The following NXN variants were observed in gnomAD, a reference collection of about 807,000 sequenced individuals.
The protein encoded by NXN is nucleoredoxin 1.
In NXN, 16 loss-of-function variants were observed where a neutral mutation model predicts 48.6. The ratio of observed to expected loss-of-function variants is 0.33; its 90% CI spans 0.22 to 0.50. The LOEUF (loss-of-function observed/expected upper bound fraction) is 0.50. Ranked by LOEUF, NXN falls within the 20% of genes least tolerant of loss-of-function variation. The pLI is 0.98. For synonymous variants in NXN, 281 were observed against 269.6 expected, an observed-to-expected ratio of 1.04 and a Z score of -0.41; for missense variants, 492 against 605.5, an observed-to-expected ratio of 0.81 and a Z score of 1.97.
In NXN at chr17:830,011, G is replaced by T. The variant is rs1210565313; in HGVS notation, c.361-3933C>A. Among the ~76,000 whole-genome samples the T allele has an allele frequency of 6.6e-6, 1 of 152,110 alleles. No homozygotes were observed. The highest frequency in any genetic ancestry group is 1.5e-5 in the Non-Finnish European group (1 of 68,022). ...CAGTAATGGGATTGCTGGGTCAAAT[G>T]GTGTTTTTGGTTCTAGATCCCTGAG... On this transcript the variant is annotated intron_variant, in intron 1 of 7. Coordinates refer to ENST00000336868, the MANE Select transcript of NXN (RefSeq NM_022463.5). The surrounding 1 kb of genome is among the most constrained non-coding windows in gnomAD (Gnocchi z 4.2).
intron 1 of NXN, among the ~76,000 whole-genome samples, chr17:826,401 G>A (rs537416981): frequency 6.6e-6 from 1 of 152,160 alleles, no homozygotes; most frequent in Non-Finnish European, 1.5e-5. Context: ...CAGCATAGGG[G>A]ACTCAGAGGC....
At chr17:953,434 AC>A (rs1225167357) in intron 1 of NXN, among the ~76,000 whole-genome samples, 1 of 149,406 alleles carries the variant, frequency 6.7e-6, no homozygotes, top group South Asian at 2.1e-4. Context: ...AAAGACTATG[AC>A]CCCCCTCCCA....
chr17:806,322 C>G (rs1018063243), intron 5 of NXN, among the ~76,000 whole-genome samples: 1 of 151,626 alleles, frequency 6.6e-6, no homozygotes, highest in African/African-American at 2.4e-5. Context: ...CCCAGCTCCC[C>G]CCTTCCCCAG....
intron 1 of NXN, among the ~76,000 whole-genome samples, chr17:944,408 C>A (rs1470283138): frequency 6.6e-6 from 1 of 152,180 alleles, no homozygotes; most frequent in Non-Finnish European, 1.5e-5. Flanking sequence ...TTCCGCAGGT[C>A]CGTACCCCCG....
chr17:879,688 C>G (rs1366266674), intron 1 of NXN, among the ~76,000 whole-genome samples: 1 of 152,162 alleles, frequency 6.6e-6, no homozygotes, highest in Admixed American at 6.5e-5. Context: ...ACAAAGGCCT[C>G]TTGGGAACCC....
chr17:918,366 C>A, intron 1 of NXN, among the ~76,000 whole-genome samples: 1 of 152,286 alleles, frequency 6.6e-6, no homozygotes, highest in South Asian at 2.1e-4. Context: ...GATCCATCAG[C>A]GAGTTTCATC....
At chr17:935,213 C>T (rs1044159263) in intron 1 of NXN, among the ~76,000 whole-genome samples, 4 of 151,920 alleles carry the variant, frequency 2.6e-5, no homozygotes, top group Admixed American at 6.6e-5. Flanking sequence ...AGGATGGTCT[C>T]GAACTCCTGG....
chr17:841,652 G>GGGCGAGCAGGTCCACCCTGACCATGGCA (rs1914309966), intron 1 of NXN, among the ~76,000 whole-genome samples: 1 of 137,106 alleles, frequency 7.3e-6, no homozygotes, highest in African/African-American at 3.0e-5. Flanking sequence ...TGACCACAGC[G>GGGCGAGCAGGTCCACCCTGACCATGGCA]CATCTCACGC....
At chr17:811,712 T>G (rs990250601) in intron 5 of NXN, among the ~76,000 whole-genome samples, 3 of 151,920 alleles carry the variant, frequency 2.0e-5, no homozygotes, top group Non-Finnish European at 4.4e-5. Flanking sequence ...GGGCCCAAAC[T>G]CATCATCAAG....
intron 1 of NXN, among the ~76,000 whole-genome samples, chr17:841,610 AGAG>A: frequency 2.1e-4 from 2 of 9,694 alleles, no homozygotes; most frequent in African/African-American, 1.2e-3. Flanking sequence ...CCCCGACCAC[AGAG>A]CATCTCACAC....
intron 1 of NXN, among the ~76,000 whole-genome samples, chr17:941,060 C>T (rs543517319): frequency 1.4e-5 from 2 of 143,766 alleles, no homozygotes; most frequent in South Asian, 4.6e-4. Flanking sequence ...CACCAAACAC[C>T]TCCCTGGATT....
At chr17:864,219 A>G in intron 1 of NXN, 1 of 1,223,784 alleles carries the variant, frequency 8.2e-7, no homozygotes, top group Non-Finnish European at 1.1e-6. Flanking sequence ...ATGGGCATTC[A>G]TGGTACTTGT....
intron 7 of NXN, among the ~76,000 whole-genome samples, chr17:801,538 C>T (rs977895304): frequency 4.6e-5 from 7 of 151,028 alleles, no homozygotes; most frequent in Non-Finnish European, 8.8e-5. Flanking sequence ...CTCCACCTCC[C>T]GGGTTTAAGC....
At chr17:945,948 G>C (rs2069038491) in intron 1 of NXN, among the ~76,000 whole-genome samples, 1 of 152,084 alleles carries the variant, frequency 6.6e-6, no homozygotes, top group Non-Finnish European at 1.5e-5. Context: ...ATGTCCTTGG[G>C]GTCCTGGGGC....
chr17:870,307 T>G (rs544658227), intron 1 of NXN, among the ~76,000 whole-genome samples: 1 of 152,314 alleles, frequency 6.6e-6, no homozygotes, highest in South Asian at 2.1e-4. Flanking sequence ...ATTCCGGTTC[T>G]GTGAGTGTTA....
intron 1 of NXN, among the ~76,000 whole-genome samples, chr17:863,683 G>C (rs528574697): frequency 6.6e-6 from 1 of 152,030 alleles, no homozygotes; most frequent in African/African-American, 2.4e-5. Flanking sequence ...CGCTGGTCTT[G>C]AACTCCTGGG....
At chr17:915,232 C>T (rs534361210) in intron 1 of NXN, among the ~76,000 whole-genome samples, 3 of 152,078 alleles carry the variant, frequency 2.0e-5, no homozygotes, top group East Asian at 3.9e-4. Context: ...CTGCACCCGG[C>T]CAGTTGAGGA....
intron 5 of NXN, among the ~76,000 whole-genome samples, chr17:812,710 ATGTGAGTGTAGGGTG>A (rs1023573591): frequency 3.1e-4 from 40 of 130,148 alleles, no homozygotes; most frequent in Admixed American, 1.1e-3. Flanking sequence ...AGGTGTTTGC[ATGTGAGTGTAGGGTG>A]TGTGAGTGTA....
At chr17:977,803 G>A (rs1321068941) in intron 1 of NXN, among the ~76,000 whole-genome samples, 1 of 152,146 alleles carries the variant, frequency 6.6e-6, no homozygotes, top group Non-Finnish European at 1.5e-5. Context: ...GGAAAACAAA[G>A]GATTCTCGTA....
Sources: gnomAD v4.1 joint callset for allele counts (sites outside exome capture counted in the v4.1 genomes callset) on GRCh38, gnomAD v4.1.1 for gene constraint, Gnocchi (gnomAD v3.1) non-coding constraint, MANE v1.5 for transcripts, NCBI Gene and HGNC (gene_info 2026-07-23, HGNC 2026-07-21) for gene names.